The following MAPK10 variants were observed in gnomAD, a reference collection of about 807,000 sequenced individuals.
MAPK10 encodes the protein mitogen-activated protein kinase 10.
MAPK10 carries 25 observed loss-of-function variants against 59.3 expected under a neutral mutation model. The observed-to-expected ratio is 0.42, with a 90% CI of 0.31 to 0.59. The LOEUF (loss-of-function observed/expected upper bound fraction) is 0.59. Among genes scored for constraint, MAPK10 ranks in the 20% least tolerant of loss-of-function variants. The pLI is 0.15. For missense variants in MAPK10, 351 were observed against 568.9 expected (o/e 0.62, Z 3.90); for synonymous variants, 190 against 200.5 (o/e 0.95, Z 0.44).
intron 1 of MAPK10, among the ~76,000 whole-genome samples, chr4:86,387,663 T>C (rs1741667505): frequency 6.6e-6 from 1 of 152,036 alleles, no homozygotes; most frequent in South Asian, 2.1e-4. Flanking sequence ...GCCTTGGTTG[T>C]TTGGAAGCTA....
At chr4:86,060,086 C>T (rs2045444523) in intron 11 of MAPK10, among the ~76,000 whole-genome samples, 1 of 152,212 alleles carries the variant, frequency 6.6e-6, no homozygotes, top group Non-Finnish European at 1.5e-5. Flanking sequence ...TGGTTGATCA[C>T]CACTGGCCAT....
At chr4:86,456,721 C>G (rs991625330), upstream of MAPK10, among the ~76,000 whole-genome samples, 4 of 152,060 alleles carry the variant, frequency 2.6e-5, no homozygotes, top group Admixed American at 2.6e-4. Flanking sequence ...AGAATTCTAC[C>G]AGACATTCAA....
intron 4 of MAPK10, among the ~76,000 whole-genome samples, chr4:86,150,139 C>A (rs1313350389): frequency 2.0e-5 from 3 of 152,180 alleles, no homozygotes; most frequent in African/African-American, 7.2e-5. Context: ...AATGAAATGT[C>A]TTTTGCAGCA....
rs1478717463 is a variant in MAPK10 at position 86,082,554 on chromosome 4, A to G, written c.803-14599T>C. 2.6e-5 allele frequency among the ~76,000 whole-genome samples: 4 copies of G among 152,314 alleles called. No homozygotes were observed. The East Asian group carries it at 7.7e-4, about 29-fold the overall frequency. ...GGGAAAAGTTGTAAGAAAAAGTTAT[A>G]GGGAAAGACTCAAACCTTCTTGGAA... On this transcript the variant is annotated intron_variant, in intron 9 of 13. Transcript: ENST00000641462.
At chr4:86,438,998 G>A (rs1221392371) in intron 1 of MAPK10, among the ~76,000 whole-genome samples, 1 of 152,162 alleles carries the variant, frequency 6.6e-6, no homozygotes, top group African/African-American at 2.4e-5. Flanking sequence ...GCTGACTGTG[G>A]TTCGATGGCT....
At chr4:86,446,293 C>T (rs1161956071) in intron 1 of MAPK10, among the ~76,000 whole-genome samples, 2 of 152,062 alleles carry the variant, frequency 1.3e-5, no homozygotes, top group African/African-American at 4.8e-5. Flanking sequence ...TAGCAATGTC[C>T]ATTTCATAGA....
intron 3 of MAPK10, 158 bp downstream of exon 3, chr4:86,194,178 G>C (rs1313620998): frequency 7.9e-6 from 5 of 630,288 alleles, no homozygotes; most frequent in Non-Finnish European, 2.8e-6. Context: ...TGGAGACTGG[G>C]GCTGTTTCTA....
intron 2 of MAPK10, among the ~76,000 whole-genome samples, chr4:86,198,709 A>C (rs571728373): frequency 2.8e-4 from 43 of 151,880 alleles, no homozygotes; most frequent in African/African-American, 9.9e-4. Context: ...AGCTTTGAAA[A>C]ATATATTAAT....
At chr4:86,207,355 G>T (rs1247499130) in intron 2 of MAPK10, among the ~76,000 whole-genome samples, 1 of 151,864 alleles carries the variant, frequency 6.6e-6, no homozygotes, top group African/African-American at 2.4e-5. Flanking sequence ...TCAGATAGTT[G>T]TAGATAGGCG....
At chr4:86,080,744 C>T (rs1366451709) in intron 9 of MAPK10, 1 of 151,848 alleles carries the variant, frequency 6.6e-6, no homozygotes, top group Admixed American at 6.6e-5. Flanking sequence ...ACATCGATAG[C>T]ATATTTAAGT....
chr4:86,574,204 T>G (rs998351603), intron 1 of MAPK10, among the ~76,000 whole-genome samples: 2 of 151,618 alleles, frequency 1.3e-5, no homozygotes, highest in African/African-American at 4.9e-5. Context: ...TGATTTCCAA[T>G]TTCATCCATG....
chr4:86,346,836 A>G (rs1728538756), intron 2 of MAPK10, among the ~76,000 whole-genome samples: 1 of 151,882 alleles, frequency 6.6e-6, no homozygotes, highest in South Asian at 2.1e-4. Context: ...AGTTTTTGCT[A>G]AATATATTTT....
intron 1 of MAPK10, among the ~76,000 whole-genome samples, chr4:86,516,625 T>G (rs916995333): frequency 2.9e-5 from 4 of 138,466 alleles, no homozygotes; most frequent in African/African-American, 5.4e-5. Flanking sequence ...TTCCTAAGGG[T>G]TTTTTTGTTG....
At chr4:86,075,013 C>T (rs1392019887) in intron 9 of MAPK10, among the ~76,000 whole-genome samples, 2 of 147,658 alleles carry the variant, frequency 1.4e-5, no homozygotes, top group Admixed American at 6.7e-5. Flanking sequence ...CCATTCTCCT[C>T]ATCACTTTCA....
rs116776645 is a variant in MAPK10 at position 86,174,433 on chromosome 4, C to T, written c.67-14966G>A. Among the ~76,000 whole-genome samples the T allele has an allele frequency of 1.6e-3, 248 of 152,110 alleles. 1 individual carries two copies. Among genetic ancestry groups the T allele is most frequent in the African/African-American group, 5.9e-3 (244 of 41,474 alleles). ...GCTGAAAAATGAGAGCACATGGACGCAGGGAGGGGAACAACACACACTGGG... is the reference window on the plus strand; with the variant it reads ...GCTGAAAAATGAGAGCACATGGACGTAGGGAGGGGAACAACACACACTGGG... On this transcript the variant is annotated intron_variant, in intron 3 of 13. Coordinates refer to ENST00000641462, the MANE Select transcript of MAPK10 (RefSeq NM_138982.4).
intron 1 of MAPK10, among the ~76,000 whole-genome samples, chr4:86,374,852 A>C (rs778568506): frequency 6.6e-6 from 1 of 152,222 alleles, no homozygotes; most frequent in Non-Finnish European, 1.5e-5. Flanking sequence ...TCAAACACTG[A>C]TGTACGCTCT....
intron 11 of MAPK10, among the ~76,000 whole-genome samples, chr4:86,046,978 GA>G (rs1486525119): frequency 1.3e-5 from 2 of 152,040 alleles, no homozygotes; most frequent in African/African-American, 2.4e-5. Context: ...GACACATAGA[GA>G]AAAAAGATTA....
chr4:86,541,810 T>C (rs778112143), intron 1 of MAPK10, among the ~76,000 whole-genome samples: 11 of 152,154 alleles, frequency 7.2e-5, no homozygotes, highest in Non-Finnish European at 1.2e-4. Flanking sequence ...GTGTTTTTTA[T>C]TCTGTGGACT....
intron 1 of MAPK10, among the ~76,000 whole-genome samples, chr4:86,570,670 A>G (rs1338229106): frequency 2.0e-5 from 3 of 152,164 alleles, no homozygotes. Flanking sequence ...TAAAGAATAT[A>G]CCTATAACCT....
Sources: gnomAD v4.1 joint callset for allele counts (sites outside exome capture counted in the v4.1 genomes callset) on GRCh38, gnomAD v4.1.1 for gene constraint, MANE v1.5 for transcripts, NCBI Gene and HGNC (gene_info 2026-07-23, HGNC 2026-07-21) for gene names.